The following CMYA5 variants were observed in gnomAD, a reference collection of about 807,000 sequenced individuals.
CMYA5 encodes cardiomyopathy associated 5.
CMYA5 carries 246 observed loss-of-function variants against 318.9 expected under a neutral mutation model. That is an observed-to-expected ratio of 0.77 (90% CI 0.70 to 0.86). The LOEUF is 0.86. Among genes scored for constraint, CMYA5 ranks in the 40% least tolerant of loss-of-function variants. CMYA5 has a pLI of 0.00. For synonymous variants in CMYA5, 1,641 were observed against 1,729.5 expected, an observed-to-expected ratio of 0.95 and a Z score of 1.27; for missense variants, 4,589 against 4,678.2, an observed-to-expected ratio of 0.98 and a Z score of 0.56.
At chr5:79,798,676 C>T (rs949496039) in intron 12 of CMYA5, among the ~76,000 whole-genome samples, 1 of 152,188 alleles carries the variant, frequency 6.6e-6, no homozygotes, top group African/African-American at 2.4e-5. Context: ...AAGGACAGCA[C>T]TTCATGTCCT....
intron 1 of CMYA5, among the ~76,000 whole-genome samples, chr5:79,708,945 T>G (rs1827326988): frequency 6.6e-6 from 1 of 152,116 alleles, no homozygotes; most frequent in Non-Finnish European, 1.5e-5. Flanking sequence ...CTGTCTCAAT[T>G]TTTTTTAAAT....
rs760992319 is a variant in CMYA5 at position 79,738,288 on chromosome 5, A to G, written c.9523A>G (p.Ile3175Val). The G allele has an allele frequency of 1.9e-6, 3 of 1,613,508 alleles. No homozygotes were observed. Among genetic ancestry groups the G allele is most frequent in the East Asian group, 2.2e-5 (1 of 44,870 alleles). ...ACGAACCCAGATATTTCCTACCACT[A>G]TTAAAGTCATTGATCCAGAATTTCT... ...LSRTQIFPTT[I>V]KVIDPEFLEE... The change falls in exon 2 of 13, where the codon ATT (isoleucine) becomes GTT (valine). Residue 3175 changes from isoleucine to valine, a missense_variant. By Grantham distance (29) the Ile-to-Val change is conservative (BLOSUM62 3). Coordinates refer to ENST00000446378, the MANE Select transcript of CMYA5 (RefSeq NM_153610.5).
At chr5:79,785,018 CTTT>C (rs75314718) in intron 9 of CMYA5, among the ~76,000 whole-genome samples, 1 of 141,730 alleles carries the variant, frequency 7.1e-6, no homozygotes, top group Admixed American at 7.1e-5. Flanking sequence ...GGAAATCCTA[CTTT>C]TTTTTTTTTT....
At chr5:79,763,408 A>G in intron 9 of CMYA5, 199 bp downstream of exon 9, 1 of 530,324 alleles carries the variant, frequency 1.9e-6, no homozygotes, top group Non-Finnish European at 3.3e-6. Context: ...CACAGGCTAC[A>G]ATGCAGAATA....
chr5:79,729,373 C>A lies in CMYA5; in HGVS notation c.608C>A (p.Pro203Gln). 6.2e-7 allele frequency: 1 copy of A among 1,613,624 alleles called. No individual in the cohort carries two copies. Among genetic ancestry groups the A allele is most frequent in the Non-Finnish European group, 8.5e-7 (1 of 1,179,692 alleles). Residue 203 changes from proline to glutamine, a missense_variant, in exon 2 of 13, where the codon CCG (proline) becomes CAG (glutamine). Pro to Gln is a moderately conservative substitution (Grantham distance 76). Around this residue, in one of 3 missense-constraint regions of CMYA5, gnomAD observed 2,132 missense variants for 2,131.3 expected, o/e 1.00. Coordinates refer to ENST00000446378, the MANE Select transcript of CMYA5 (RefSeq NM_153610.5). Reference sequence around the variant, plus strand: ...AAGAAGACCACTTCAAATACACCTCCGATTACTGGGGCAATATACAAAGAA... The same window carrying A: ...AAGAAGACCACTTCAAATACACCTCAGATTACTGGGGCAATATACAAAGAA... ...RKKKTTSNTP[P>Q]ITGAIYKEHK...
chr5:79,725,528 A>G (rs150855119), intron 1 of CMYA5, among the ~76,000 whole-genome samples: 2 of 152,312 alleles, frequency 1.3e-5, no homozygotes, highest in African/African-American at 4.8e-5. Context: ...TATTTGGGTG[A>G]TGGGATTAAT....
intron 9 of CMYA5, among the ~76,000 whole-genome samples, chr5:79,764,014 T>A (rs895946992): frequency 2.0e-5 from 3 of 152,034 alleles, no homozygotes; most frequent in African/African-American, 7.3e-5. Context: ...TTTTTTTTTT[T>A]ATTACACTTT....
At chr5:79,721,860 A>G (rs538901061) in intron 1 of CMYA5, among the ~76,000 whole-genome samples, 1 of 152,354 alleles carries the variant, frequency 6.6e-6, no homozygotes, top group African/African-American at 2.4e-5. Context: ...AAGGAGAGAC[A>G]AATCCACAAT....
chr5:79,787,587 C>A (rs941605360), intron 9 of CMYA5, among the ~76,000 whole-genome samples: 2 of 152,154 alleles, frequency 1.3e-5, no homozygotes, highest in Non-Finnish European at 2.9e-5. Flanking sequence ...TAAGGACAGT[C>A]CTCTCCTGAG....
intron 10 of CMYA5, 65 bp from the exon 11 acceptor site, chr5:79,790,905 C>G: frequency 9.3e-7 from 1 of 1,075,190 alleles, no homozygotes; most frequent in Non-Finnish European, 1.4e-6. Flanking sequence ...AAATGTGGGG[C>G]TTAGCCTAGG....
At position 79,730,281 on chromosome 5, in the gene CMYA5, A is replaced by G. The variant is rs755019675; in HGVS notation, c.1516A>G (p.Lys506Glu). 1 of 1,614,004 alleles carries G rather than the reference A, an allele frequency of 6.2e-7. No individual in the cohort carries two copies. Among genetic ancestry groups the G allele is most frequent in the East Asian group, 2.2e-5 (1 of 44,880 alleles). ...ACCTCTAATGTTAGAAGAACCAGAG[A>G]AAGAAGAAATAGAAACTTCCCTACC... ...SEPLMLEEPEKEEIETSLPIA... is the reference protein window; with the variant it reads ...SEPLMLEEPEEEEIETSLPIA... The change falls in exon 2 of 13, where the codon AAA becomes GAA. Residue 506 changes from lysine to glutamate, a missense_variant. Physicochemically the swap from Lys to Glu is moderately conservative, Grantham distance 56. Coordinates refer to ENST00000446378, the MANE Select transcript of CMYA5 (RefSeq NM_153610.5).
Position 79,729,881 on chromosome 5 carries a change from A to G in CMYA5, c.1116A>G (p.Lys372=). ...CACAACAGCCAGAAGATGAAGCAAA[A>G]CCACATGAAGTGGAACCTCCATCTG... is the stretch of plus-strand genomic sequence containing the variant. ...SVPQQPEDEA[K]PHEVEPPSVT... The change falls in exon 2 of 13, where the codon AAA becomes AAG. Residue 372 remains lysine (K), a synonymous_variant. Transcript: ENST00000446378. The G allele has an allele frequency of 6.2e-7, 1 of 1,612,794 alleles. No individual in the cohort carries two copies. Among genetic ancestry groups the G allele is most frequent in the Non-Finnish European group, 8.5e-7 (1 of 1,179,296 alleles).
intron 1 of CMYA5, among the ~76,000 whole-genome samples, chr5:79,696,569 T>C (rs1343550151): frequency 3.3e-5 from 5 of 152,250 alleles, no homozygotes; most frequent in Non-Finnish European, 5.9e-5. Context: ...TTCACTGTTA[T>C]ATACCATAAA....
Position 79,733,998 on chromosome 5 carries a change from A to G in CMYA5, c.5233A>G (p.Thr1745Ala), listed in dbSNP as rs202222773. ...GGNPEEFQPF[T>A]FSLKGLSEEV... ...CAACCCAGAAGAATTTCAGCCATTTACTTTTTCTTTAAAAGGATTATCAGA... is the reference window on the plus strand; with the variant it reads ...CAACCCAGAAGAATTTCAGCCATTTGCTTTTTCTTTAAAAGGATTATCAGA... Residue 1745 changes from threonine to alanine, a missense_variant, in exon 2 of 13, where the codon ACT (threonine) becomes GCT (alanine). Coordinates refer to ENST00000446378, the MANE Select transcript of CMYA5 (RefSeq NM_153610.5). 8 of 1,613,572 alleles carry G rather than the reference A, an allele frequency of 5.0e-6. No homozygotes were observed. Among genetic ancestry groups the G allele is most frequent in the Non-Finnish European group, 6.8e-6 (8 of 1,179,832 alleles).
At position 79,733,248 on chromosome 5, in the gene CMYA5, C is replaced by A; in HGVS notation, c.4483C>A (p.Gln1495Lys). 6.2e-7 allele frequency: 1 copy of A among 1,613,666 alleles called. No individual in the cohort carries two copies. The highest frequency in any genetic ancestry group is 8.5e-7 in the Non-Finnish European group (1 of 1,179,804). Residue 1495 changes from glutamine (Q) to lysine (K), a missense_variant, in exon 2 of 13, where the codon CAA becomes AAA. Around this residue, in one of 3 missense-constraint regions of CMYA5, gnomAD observed 2,132 missense variants for 2,131.3 expected, o/e 1.00. Coordinates refer to ENST00000446378, the MANE Select transcript of CMYA5 (RefSeq NM_153610.5). ...TGAGGAAGCAAGGGTAGAAGACAAA[C>A]AAGATCTTTTATTTTCTACAGTCTG... ...KSEEARVEDK[Q>K]DLLFSTVCDS...
chr5:79,739,395 G>A lies in CMYA5; in HGVS notation c.10630G>A (p.Ala3544Thr). 1.3e-6 allele frequency: 2 copies of A among 1,518,516 alleles called. No individual in the cohort carries two copies. The highest frequency in any genetic ancestry group is 1.8e-6 in the Non-Finnish European group (2 of 1,135,048). The allele number at this position is 1,518,516 out of a possible 1,614,324, so 94.1% of individuals were successfully genotyped here. The change falls in exon 2 of 13, where the codon GCT becomes ACT. Residue 3544 changes from alanine to threonine, a missense_variant. This residue lies in a region of CMYA5 where 2,431 missense variants were observed against 2,495.1 expected (regional missense o/e 0.97). Transcript: ENST00000446378. ...EVSTLDTAIS[A>T]VKVQLAEFLE... ...TTCAACGCTTGACACAGCTATAAGT[G>A]CTGTAAAGGTAAATAGATGTTGAAC...
At chr5:79,746,972 C>T (rs1828335938) in intron 4 of CMYA5, 119 bp from the exon 5 acceptor site, 6 of 539,864 alleles carry the variant, frequency 1.1e-5, no homozygotes, top group Admixed American at 9.0e-5. Flanking sequence ...GATTTTCAAA[C>T]GTGGGTAATC....
chr5:79,796,229 C>T lies in CMYA5; in HGVS notation c.11963+2619C>T, dbSNP rs910392485. On this transcript the variant is annotated intron_variant, in intron 12 of 12. Coordinates refer to ENST00000446378, the MANE Select transcript of CMYA5 (RefSeq NM_153610.5). Reference sequence around the variant, plus strand: ...CAGCGTTATGCAATAGGACCTTCTGCAATAATAGAAAAATGGTGCCACACG... The same window carrying T: ...CAGCGTTATGCAATAGGACCTTCTGTAATAATAGAAAAATGGTGCCACACG... 2.6e-5 allele frequency among the ~76,000 whole-genome samples: 4 copies of T among 151,960 alleles called. No individual in the cohort carries two copies. In the East Asian group the frequency reaches 7.7e-4, roughly 29 times the overall value.
chr5:79,794,440 A>G (rs1270417178), intron 12 of CMYA5, among the ~76,000 whole-genome samples: 1 of 152,206 alleles, frequency 6.6e-6, no homozygotes, highest in Non-Finnish European at 1.5e-5. Flanking sequence ...ATATGCTCAC[A>G]GTATGGTTTA....
Sources: allele counts gnomAD v4.1 joint callset (sites outside exome capture counted in the v4.1 genomes callset), GRCh38; gene constraint gnomAD v4.1.1; regional missense constraint gnomAD v4.1.1; transcripts MANE v1.5; gene names NCBI Gene and HGNC (gene_info 2026-07-23, HGNC 2026-07-21).